CENPI: variants seen among roughly 807,000 people sequenced by gnomAD.
The protein encoded by CENPI is FSH primary response 1.
CENPI carries 4 observed loss-of-function variants against 60.4 expected under a neutral mutation model. The ratio of observed to expected loss-of-function variants is 0.07; its 90% CI spans 0.03 to 0.15. CENPI has a LOEUF of 0.15. CENPI is among the 10% of genes least tolerant of loss of function. CENPI has a pLI of 1.00. For synonymous variants in CENPI, 157 were observed against 189.4 expected, an observed-to-expected ratio of 0.83 and a Z score of 1.40; for missense variants, 444 against 534.5, an observed-to-expected ratio of 0.83 and a Z score of 1.67.
Position 101,106,159 on chromosome X carries a change from A to G in CENPI, c.365-3314A>G, listed in dbSNP as rs1012194510. Among the ~76,000 whole-genome samples, 6 of 111,709 alleles carry G rather than the reference A, an allele frequency of 5.4e-5. No individual in the cohort carries two copies. The Admixed American group carries it at 5.8e-4, about 11-fold the overall frequency. ...AATTCTCCCTTTGAATTTGGTGCAC[A>G]TGTAATGTGTTGGTGGTGAGACTAT... is the stretch of plus-strand genomic sequence containing the variant. On this transcript the variant is annotated intron_variant, in intron 4 of 21. Transcript: ENST00000682095.
intron 6 of CENPI, among the ~76,000 whole-genome samples, chrX:101,114,347 T>A (rs772982501): frequency 8.9e-6 from 1 of 112,157 alleles, no homozygotes; most frequent in Admixed American, 9.5e-5. Context: ...AAGTATTCAA[T>A]TTGCTGATTT....
intron 8 of CENPI, among the ~76,000 whole-genome samples, chrX:101,123,595 A>AT (rs1470814622): frequency 9.1e-6 from 1 of 109,636 alleles, no homozygotes; most frequent in African/African-American, 3.3e-5. Context: ...TTTTATTTTA[A>AT]TTTTTTTTAG....
At chrX:101,130,163 G>T (rs2089780988) in intron 13 of CENPI, 90 bp downstream of exon 13, 10 of 642,643 alleles carry the variant, frequency 1.6e-5, no homozygotes, top group African/African-American at 6.4e-5. Context: ...GCCCGGCTGC[G>T]GTGGCTCACA....
At chrX:101,120,901 G>C (rs1157596138) in intron 8 of CENPI, 117 bp downstream of exon 8, 1 of 562,794 alleles carries the variant, frequency 1.8e-6, no homozygotes, top group African/African-American at 2.4e-5. Flanking sequence ...TTTGAGACAG[G>C]GTCTCACTCT....
At chrX:101,112,442 A>G (rs763944855) in intron 6 of CENPI, among the ~76,000 whole-genome samples, 4 of 112,335 alleles carry the variant, frequency 3.6e-5, no homozygotes, top group African/African-American at 1.3e-4. Context: ...TTTTAATGGA[A>G]CAGAGTACAG....
downstream of CENPI, among the ~76,000 whole-genome samples, chrX:101,168,304 G>A (rs1420590162): frequency 1.8e-5 from 2 of 112,560 alleles, no homozygotes; most frequent in Non-Finnish European, 3.8e-5. Context: ...GGTGGCTCAC[G>A]CCTGTAATCC....
chrX:101,130,106 C>A, intron 13 of CENPI, 33 bp downstream of exon 13: 1 of 973,628 alleles, frequency 1.0e-6, no homozygotes, highest in Non-Finnish European at 1.5e-6. Context: ...CACTCTCCAC[C>A]ACTCTTTACT....
At chrX:101,138,186 C>T (rs1238952929) in intron 15 of CENPI, among the ~76,000 whole-genome samples, 1 of 102,901 alleles carries the variant, frequency 9.7e-6, no homozygotes, top group Non-Finnish European at 2.0e-5. Flanking sequence ...TGGCGTTTCA[C>T]CATGTTGGCC....
At chrX:101,179,510 G>A in the CENPI span, among the ~76,000 whole-genome samples, 1 of 109,766 alleles carries the variant, frequency 9.1e-6, no homozygotes, top group Non-Finnish European at 1.9e-5. Context: ...TTGAACGCCT[G>A]TTTTTCTTTC....
intron 15 of CENPI, among the ~76,000 whole-genome samples, chrX:101,134,248 G>T (rs1419497538): frequency 3.6e-5 from 4 of 111,350 alleles, no homozygotes; most frequent in Non-Finnish European, 1.9e-5. Flanking sequence ...GAATTGGGAG[G>T]CACCATTTAT....
Position 101,103,587 on chromosome X carries a change from C to A in CENPI, c.364+1176C>A, listed in dbSNP as rs140718527. Reference sequence around the variant, plus strand: ...AACTCCCGACCTCAGGTGATCCGCCCACCTCGGCCTTCCAAAGTGCTGGGA... The same window carrying A: ...AACTCCCGACCTCAGGTGATCCGCCAACCTCGGCCTTCCAAAGTGCTGGGA... On this transcript the variant is annotated intron_variant, in intron 4 of 21. Transcript: ENST00000682095. 8.0e-3 allele frequency among the ~76,000 whole-genome samples: 890 copies of A among 111,378 alleles called. 9 individuals carry two copies. The highest frequency in any genetic ancestry group is 0.028 in the African/African-American group (860 of 30,657).
At chrX:101,114,742 C>T (rs1198064974) in intron 6 of CENPI, among the ~76,000 whole-genome samples, 11 of 109,263 alleles carry the variant, frequency 1.0e-4, no homozygotes, top group African/African-American at 3.7e-4. Context: ...CAGGTCCAAG[C>T]GATTCTCCTG....
intron 20 of CENPI, among the ~76,000 whole-genome samples, chrX:101,150,606 G>C (rs1316525497): frequency 9.0e-6 from 1 of 110,748 alleles, no homozygotes; most frequent in Non-Finnish European, 1.9e-5. Flanking sequence ...CTGAGTTCAA[G>C]CGAGATGCCT....
chrX:101,176,456 A>C, the CENPI span, among the ~76,000 whole-genome samples: 109 of 109,948 alleles, frequency 9.9e-4, no homozygotes, highest in East Asian at 0.012. Context: ...TTTTCTTTTT[A>C]ATAGCCATTC....
At chrX:101,178,869 C>T in the CENPI span, among the ~76,000 whole-genome samples, 1 of 112,207 alleles carries the variant, frequency 8.9e-6, no homozygotes, top group Non-Finnish European at 1.9e-5. Context: ...TTGTTTTATT[C>T]TATCACCAAT....
At chrX:101,168,831 A>G (rs1328013952), downstream of CENPI, among the ~76,000 whole-genome samples, 4 of 112,048 alleles carry the variant, frequency 3.6e-5, no homozygotes, top group African/African-American at 1.3e-4. Flanking sequence ...AGTAGAGAGT[A>G]TCGTTATCCA....
In CENPI at chrX:101,132,217, C is replaced by T. The variant is rs1366804122; in HGVS notation, c.1315C>T (p.Leu439=). 3.3e-6 allele frequency: 4 copies of T among 1,206,537 alleles called. No individual in the cohort carries two copies. The highest frequency in any genetic ancestry group is 4.5e-6 in the Non-Finnish European group (4 of 892,460). ...GGGGTTTTATTCCTGTGAAGCATTC[C>T]TGTATAAGAGCCTTCCTCTCTGGGA... The part of the protein sequence containing the change: ...QEGFYSCEAF[L]YKSLPLWDGL... Residue 439 remains leucine (L), a synonymous_variant, in exon 14 of 22, where the codon CTG becomes TTG. Coordinates refer to ENST00000682095, the MANE Select transcript of CENPI (RefSeq NM_001386188.2).
At chrX:101,171,623 G>A in the CENPI span, among the ~76,000 whole-genome samples, 1,136 of 72,917 alleles carry the variant, frequency 0.016, 19 homozygotes, top group African/African-American at 0.05. Flanking sequence ...TGTAGAAACT[G>A]AGTCTGTGGC....
rs192158094 is a variant in CENPI at position 101,164,999 on chromosome X, C to T, written c.*2032C>T. ...GTCATATAAATATTTGGGGAAAGAG[C>T]ATTCTGGACAAAGGTAAAAAACAAG... On this transcript the variant is annotated 3_prime_UTR_variant, in exon 22 of 22. Coordinates refer to ENST00000682095, the MANE Select transcript of CENPI (RefSeq NM_001386188.2). Among the ~76,000 whole-genome samples, 6 of 111,603 alleles carry T rather than the reference C, an allele frequency of 5.4e-5. No individual in the cohort carries two copies. Among genetic ancestry groups the T allele is most frequent in the Non-Finnish European group, 7.5e-5 (4 of 53,126 alleles).
Sources: gnomAD v4.1 joint callset for allele counts (sites outside exome capture counted in the v4.1 genomes callset) on GRCh38, gnomAD v4.1.1 for gene constraint, MANE v1.5 for transcripts, NCBI Gene and HGNC (gene_info 2026-07-23, HGNC 2026-07-21) for gene names.